Variants in DOK6 observed in about 807,000 individuals in gnomAD.
DOK6 encodes docking protein 6.
A neutral mutation model predicts 44.0 loss-of-function variants in DOK6; 22 were observed. That is an observed-to-expected ratio of 0.50 (90% confidence interval 0.36 to 0.71). DOK6 has a LOEUF of 0.71. DOK6 is among the 30% of genes least tolerant of loss of function. The probability of loss-of-function intolerance (pLI) is 0.00; values close to 1 mark genes in which losing one functional copy is unlikely to be tolerated. For synonymous variants in DOK6, 166 were observed against 145.5 expected, an observed-to-expected ratio of 1.14 and a Z score of -1.01; for missense variants, 340 against 416.4, an observed-to-expected ratio of 0.82 and a Z score of 1.60.
At chr18:69,600,186 C>T (rs1983840458) in intron 3 of DOK6, among the ~76,000 whole-genome samples, 1 of 152,076 alleles carries the variant, frequency 6.6e-6, no homozygotes, top group Non-Finnish European at 1.5e-5. Flanking sequence ...TGAACTTAAA[C>T]TAATGATTAG....
At chr18:69,574,085 C>T (rs1464856539) in intron 2 of DOK6, among the ~76,000 whole-genome samples, 2 of 151,822 alleles carry the variant, frequency 1.3e-5, no homozygotes, top group South Asian at 2.1e-4. Context: ...CTATTAAGCC[C>T]AATTCATATA....
At chr18:69,830,448 GC>G (rs1254873511) in intron 7 of DOK6, among the ~76,000 whole-genome samples, 3 of 152,116 alleles carry the variant, frequency 2.0e-5, no homozygotes, top group Admixed American at 6.6e-5. Context: ...CAACTGACAT[GC>G]TCACACACAG....
rs937713327 is a variant in DOK6, at chr18:69,538,272, C to T, written c.67-26215C>T. On this transcript the variant is annotated intron_variant, in intron 1 of 7. Coordinates refer to ENST00000382713, the MANE Select transcript of DOK6 (RefSeq NM_152721.6). ...GTAGTATTTTGAATACTAGGGAGAC[C>T]GCTTGAGGTCTAAATTTTAGTGTCT... Among the ~76,000 whole-genome samples, 9 of 152,034 alleles carry T rather than the reference C, an allele frequency of 5.9e-5. No homozygotes were observed. The South Asian group carries it at 1.7e-3, about 28-fold the overall frequency.
At chr18:69,557,884 G>A (rs1245306025) in intron 1 of DOK6, among the ~76,000 whole-genome samples, 1 of 152,068 alleles carries the variant, frequency 6.6e-6, no homozygotes, top group African/African-American at 2.4e-5. Flanking sequence ...AATGGTCTCT[G>A]TACCTTGAGA....
rs1979851303 is a variant in DOK6 at position 69,463,740 on chromosome 18, T to C, written c.66+62430T>C. Among the ~76,000 whole-genome samples, 3 of 152,016 alleles carry C rather than the reference T, an allele frequency of 2.0e-5. No individual in the cohort carries two copies. The South Asian group carries it at 6.2e-4, about 32-fold the overall frequency. ...ATGTGTATGTATATGCATATGTATG[T>C]AAATGCATGTTTGTGTGTGTCTGTG... On this transcript the variant is annotated intron_variant, in intron 1 of 7. Transcript: ENST00000382713.
intron 1 of DOK6, among the ~76,000 whole-genome samples, chr18:69,507,216 AG>A (rs1332178369): frequency 2.0e-5 from 3 of 151,964 alleles, no homozygotes; most frequent in South Asian, 2.1e-4. Flanking sequence ...TTCAGTAGAG[AG>A]GGGGTTTCAC....
intron 1 of DOK6, among the ~76,000 whole-genome samples, chr18:69,502,272 A>G (rs1353678710): frequency 6.6e-6 from 1 of 152,076 alleles, no homozygotes. Context: ...TTAGCGGAAT[A>G]TATTCAACAG....
Position 69,612,989 on chromosome 18 carries a change from C to T in DOK6, c.289+13491C>T, listed in dbSNP as rs144007678. Reference sequence around the variant, plus strand: ...CTCCACCTCCCTGGCTCAGTCAATCCTCCCACCTGAAGCTGGGACTACAGC... The same window carrying T: ...CTCCACCTCCCTGGCTCAGTCAATCTTCCCACCTGAAGCTGGGACTACAGC... On this transcript the variant is annotated intron_variant, in intron 3 of 7. Transcript: ENST00000382713. Among the ~76,000 whole-genome samples, 292 of 151,922 alleles carry T rather than the reference C, an allele frequency of 1.9e-3. 1 individual carries two copies. The highest frequency in any genetic ancestry group is 6.7e-3 in the African/African-American group (278 of 41,442).
At chr18:69,460,393 AC>A (rs1258081184) in intron 1 of DOK6, among the ~76,000 whole-genome samples, 1 of 152,168 alleles carries the variant, frequency 6.6e-6, no homozygotes, top group African/African-American at 2.4e-5. Context: ...ATATGTTAAT[AC>A]ATCAATCATA....
chr18:69,776,623 A>G (rs368112291), intron 7 of DOK6, among the ~76,000 whole-genome samples: 1 of 152,196 alleles, frequency 6.6e-6, no homozygotes, highest in East Asian at 1.9e-4. Context: ...ATAGGATAAA[A>G]TCAACTAATC....
At chr18:69,459,143 G>A (rs1979715516) in intron 1 of DOK6, among the ~76,000 whole-genome samples, 1 of 119,330 alleles carries the variant, frequency 8.4e-6, no homozygotes, top group Non-Finnish European at 1.6e-5. Flanking sequence ...GAAATACTTA[G>A]AAATACCTAA....
Position 69,422,288 on chromosome 18 carries a change from A to G in DOK6, c.66+20978A>G, listed in dbSNP as rs112627618. 1.1e-3 allele frequency among the ~76,000 whole-genome samples: 166 copies of G among 152,282 alleles called. 1 individual carries two copies. Among genetic ancestry groups the G allele is most frequent in the African/African-American group, 3.7e-3 (153 of 41,560 alleles). ...AATTCCTCAAGTCCTGAGCCCTACA[A>G]TTTTATTAGTGCTTCTCAAAAGACT... On this transcript the variant is annotated intron_variant, in intron 1 of 7. Coordinates refer to ENST00000382713, the MANE Select transcript of DOK6 (RefSeq NM_152721.6).
At chr18:69,690,856 T>C (rs1013994318) in intron 4 of DOK6, among the ~76,000 whole-genome samples, 3 of 152,198 alleles carry the variant, frequency 2.0e-5, no homozygotes, top group African/African-American at 7.2e-5. Context: ...TAAAATTTCA[T>C]GTTTTAATTG....
At chr18:69,403,413 AC>A (rs1350401681) in intron 1 of DOK6, among the ~76,000 whole-genome samples, 6 of 152,186 alleles carry the variant, frequency 3.9e-5, no homozygotes, top group Non-Finnish European at 8.8e-5. Flanking sequence ...TTTCTGCCTA[AC>A]GATGTGTGCA....
At chr18:69,408,777 TAACTC>T (rs1978294543) in intron 1 of DOK6, among the ~76,000 whole-genome samples, 1 of 152,232 alleles carries the variant, frequency 6.6e-6, no homozygotes, top group Admixed American at 6.5e-5. Flanking sequence ...AGCACGATCT[TAACTC>T]AAGAGACTGG....
intron 1 of DOK6, among the ~76,000 whole-genome samples, chr18:69,448,286 G>A (rs1336057954): frequency 1.3e-5 from 2 of 152,190 alleles, no homozygotes; most frequent in Non-Finnish European, 2.9e-5. Flanking sequence ...CATTGTAGTT[G>A]CATTTGTGCA....
chr18:69,613,151 G>C (rs1451046804), intron 3 of DOK6, among the ~76,000 whole-genome samples: 2 of 152,134 alleles, frequency 1.3e-5, no homozygotes, highest in African/African-American at 4.8e-5. Flanking sequence ...GATTACAGGC[G>C]GGAGCCACCG....
At chr18:69,813,984 C>T (rs1448726916) in intron 7 of DOK6, among the ~76,000 whole-genome samples, 2 of 151,724 alleles carry the variant, frequency 1.3e-5, no homozygotes, top group African/African-American at 4.8e-5. Context: ...ATGTTACTAC[C>T]TCGATTAAGC....
intron 7 of DOK6, among the ~76,000 whole-genome samples, chr18:69,783,812 AT>A (rs1980349152): frequency 6.6e-6 from 1 of 152,062 alleles, no homozygotes; most frequent in African/African-American, 2.4e-5. Flanking sequence ...ATATCATTTA[AT>A]TTTTCAAAAA....
Sources: gnomAD v4.1 joint callset for allele counts (sites outside exome capture counted in the v4.1 genomes callset) on GRCh38, gnomAD v4.1.1 for gene constraint, MANE v1.5 for transcripts, NCBI Gene and HGNC (gene_info 2026-07-23, HGNC 2026-07-21) for gene names.